Variants in TAX1BP1 observed in about 807,000 individuals in gnomAD.
TAX1BP1 encodes the protein Tax1 binding protein 1.
In TAX1BP1, 62 loss-of-function variants were observed where a neutral mutation model predicts 97.7. That is an observed-to-expected ratio of 0.63 (90% CI 0.52 to 0.78). The LOEUF is 0.78. TAX1BP1 is among the 30% of genes least tolerant of loss of function. The probability of loss-of-function intolerance (pLI) is 0.00; values close to 1 mark genes in which losing one functional copy is unlikely to be tolerated. For missense variants in TAX1BP1, 867 were observed against 916.1 expected, an observed-to-expected ratio of 0.95 and a Z score of 0.69; for synonymous variants, 340 against 304.2, an observed-to-expected ratio of 1.12 and a Z score of -1.23.
chr7:27,791,886 A>G (rs1242430080), intron 8 of TAX1BP1, 120 bp from the exon 9 acceptor site: 5 of 828,480 alleles, frequency 6.0e-6, no homozygotes, highest in Non-Finnish European at 9.5e-6. Context: ...TCTGTAAGTC[A>G]TGAGTAGAAA....
intron 12 of TAX1BP1, among the ~76,000 whole-genome samples, chr7:27,799,003 A>G (rs1475182499): frequency 6.6e-6 from 1 of 152,048 alleles, no homozygotes; most frequent in Admixed American, 6.5e-5. Context: ...TAGAAAAGCA[A>G]AATTTAAATT....
intron 5 of TAX1BP1, among the ~76,000 whole-genome samples, chr7:27,775,188 C>T (rs1032168735): frequency 1.3e-5 from 2 of 152,082 alleles, no homozygotes; most frequent in African/African-American, 2.4e-5. Context: ...TAAGACATAC[C>T]GTTGATTGTA....
chr7:27,743,753 A>G (rs1787705854), intron 1 of TAX1BP1, among the ~76,000 whole-genome samples: 1 of 146,808 alleles, frequency 6.8e-6, no homozygotes, highest in Non-Finnish European at 1.5e-5. Context: ...ACTTACAGTT[A>G]GTTTAGTATC....
intron 13 of TAX1BP1, among the ~76,000 whole-genome samples, chr7:27,804,926 G>T (rs922763284): frequency 2.0e-5 from 3 of 152,066 alleles, no homozygotes; most frequent in Non-Finnish European, 4.4e-5. Flanking sequence ...CCAACTTCCT[G>T]TATTTGGCCA....
chr7:27,796,086 T>A, intron 11 of TAX1BP1, 30 bp from the exon 12 acceptor site: 1 of 1,556,862 alleles, frequency 6.4e-7, no homozygotes, highest in East Asian at 2.3e-5. Flanking sequence ...AAAATACTTT[T>A]TAACAGTCTT....
intron 12 of TAX1BP1, among the ~76,000 whole-genome samples, chr7:27,797,474 G>T (rs2128319441): frequency 6.6e-6 from 1 of 152,052 alleles, no homozygotes; most frequent in South Asian, 2.1e-4. Flanking sequence ...TTTTTTAAAT[G>T]TGCTTTGTGT....
At chr7:27,784,423 A>G (rs1188849998) in intron 5 of TAX1BP1, among the ~76,000 whole-genome samples, 1 of 152,002 alleles carries the variant, frequency 6.6e-6, no homozygotes, top group Non-Finnish European at 1.5e-5. Flanking sequence ...CCTCTTTTAT[A>G]TTTGTCTTAG....
intron 1 of TAX1BP1, among the ~76,000 whole-genome samples, chr7:27,747,547 A>G (rs1035091428): frequency 1.3e-5 from 2 of 152,192 alleles, no homozygotes; most frequent in African/African-American, 2.4e-5. Context: ...GATTGGACCT[A>G]TGATGAAATG....
chr7:27,767,138 TA>T (rs1345331256), intron 4 of TAX1BP1, among the ~76,000 whole-genome samples: 1 of 152,108 alleles, frequency 6.6e-6, no homozygotes, highest in African/African-American at 2.4e-5. Context: ...ATCCTATACC[TA>T]AAAAACTACA....
intron 7 of TAX1BP1, among the ~76,000 whole-genome samples, chr7:27,785,822 G>A (rs1448469610): frequency 6.6e-6 from 1 of 152,166 alleles, no homozygotes; most frequent in Non-Finnish European, 1.5e-5. Flanking sequence ...AGAGAGCAAG[G>A]AGGAAGTCAC....
intron 13 of TAX1BP1, among the ~76,000 whole-genome samples, chr7:27,809,291 T>C (rs1026701207): frequency 1.3e-5 from 2 of 152,214 alleles, no homozygotes; most frequent in African/African-American, 4.8e-5. Context: ...CTACAACAAA[T>C]GTAATATGAA....
intron 13 of TAX1BP1, chr7:27,803,265 C>G: frequency 8.2e-7 from 1 of 1,224,780 alleles, no homozygotes. Context: ...TTTTGAAGTT[C>G]ATGTGACAGT....
chr7:27,803,239 T>A, intron 13 of TAX1BP1: 2 of 1,351,520 alleles, frequency 1.5e-6, no homozygotes, highest in Non-Finnish European at 2.0e-6. Context: ...ATAATAGAGC[T>A]TTATGAAGAG....
chr7:27,821,317 A>C (rs1412831306), intron 15 of TAX1BP1, among the ~76,000 whole-genome samples: 1 of 152,156 alleles, frequency 6.6e-6, no homozygotes, highest in Non-Finnish European at 1.5e-5. Flanking sequence ...AAACTATTTA[A>C]AATTCAGGCC....
intron 3 of TAX1BP1, among the ~76,000 whole-genome samples, chr7:27,760,457 A>G (rs997828083): frequency 6.7e-6 from 1 of 148,940 alleles, no homozygotes; most frequent in African/African-American, 2.5e-5. Context: ...CAGTGGCGCG[A>G]TCTCGGCTCA....
intron 2 of TAX1BP1, 24 bp from the exon 3 acceptor site, chr7:27,758,007 G>T (rs117962264): frequency 3.3e-6 from 5 of 1,531,116 alleles, no homozygotes; most frequent in Non-Finnish European, 4.5e-6. Context: ...TTATAAATCC[G>T]CCTTTTTTGT....
At chr7:27,773,770 A>G (rs1457820642) in intron 5 of TAX1BP1, among the ~76,000 whole-genome samples, 1 of 152,064 alleles carries the variant, frequency 6.6e-6, no homozygotes, top group African/African-American at 2.4e-5. Context: ...GGAGTGCTAG[A>G]TACGTATTGG....
At chr7:27,763,754 C>T (rs1024838013) in intron 3 of TAX1BP1, among the ~76,000 whole-genome samples, 8 of 148,244 alleles carry the variant, frequency 5.4e-5, no homozygotes, top group South Asian at 2.1e-4. Flanking sequence ...GGTGACAGAG[C>T]GAGACTCTGT....
rs764207035 is a variant in TAX1BP1, at chr7:27,785,507, A to G, written c.852+18A>G. On this transcript the variant is annotated intron_variant, in intron 7 of 16. Transcript: ENST00000396319. ...TTTATAAGGTAATTTATTTTTTACC[A>G]TATCTATTGCCTGTTGCTTCAAAAG... is the stretch of plus-strand genomic sequence containing the variant. 56 of 1,581,428 alleles carry G rather than the reference A, an allele frequency of 3.5e-5. No homozygotes were observed. The Middle Eastern group carries it at 8.4e-4, about 24-fold the overall frequency.
Sources: gnomAD v4.1 joint callset for allele counts (sites outside exome capture counted in the v4.1 genomes callset) on GRCh38, gnomAD v4.1.1 for gene constraint, MANE v1.5 for transcripts, NCBI Gene and HGNC (gene_info 2026-07-23, HGNC 2026-07-21) for gene names.